Variants in RPF2 observed in about 807,000 individuals in gnomAD.
The protein encoded by RPF2 is ribosome production factor 2 homolog, also known as brix domain containing 1.
Under a neutral mutation model 38.9 loss-of-function variants are expected in RPF2, and 21 were observed. That is an observed-to-expected ratio of 0.54 (90% CI 0.38 to 0.78). The LOEUF (loss-of-function observed/expected upper bound fraction) is 0.78. Ranked by LOEUF, RPF2 falls within the 30% of genes least tolerant of loss-of-function variation. RPF2 has a pLI of 0.00. For synonymous variants in RPF2, 121 were observed against 126.2 expected (o/e 0.96, Z 0.28); for missense variants, 314 against 358.1 (o/e 0.88, Z 0.99).
At chr6:110,995,594 G>A (rs767683476) in intron 4 of RPF2, among the ~76,000 whole-genome samples, 10 of 152,068 alleles carry the variant, frequency 6.6e-5, no homozygotes, top group African/African-American at 1.2e-4. Flanking sequence ...TAAGTTAAGA[G>A]GCTTTCCAAT....
chr6:111,000,205 A>G (rs1771790133), intron 6 of RPF2, among the ~76,000 whole-genome samples: 1 of 152,170 alleles, frequency 6.6e-6, no homozygotes, highest in South Asian at 2.1e-4. Context: ...TCCTGGGCTC[A>G]AGCAATTCTC....
At chr6:111,012,084 T>C (rs1772025824) in intron 7 of RPF2, among the ~76,000 whole-genome samples, 2 of 151,590 alleles carry the variant, frequency 1.3e-5, no homozygotes, top group East Asian at 3.9e-4. Context: ...TTTTTTTTTT[T>C]CTTAATTGAC....
At chr6:111,012,642 G>A (rs1027182183) in intron 7 of RPF2, among the ~76,000 whole-genome samples, 1 of 152,018 alleles carries the variant, frequency 6.6e-6, no homozygotes, top group South Asian at 2.1e-4. Flanking sequence ...TTTGAACTTA[G>A]GTCTCTCCAA....
intron 2 of RPF2, among the ~76,000 whole-genome samples, chr6:110,986,660 A>G (rs1771530801): frequency 6.6e-6 from 1 of 152,204 alleles, no homozygotes; most frequent in Non-Finnish European, 1.5e-5. Context: ...TATGAAAGAA[A>G]GGCATAGTAT....
At chr6:111,014,045 T>G (rs985432139) in intron 7 of RPF2, among the ~76,000 whole-genome samples, 6 of 151,944 alleles carry the variant, frequency 3.9e-5, no homozygotes, top group Non-Finnish European at 7.4e-5. Flanking sequence ...TTTTTTTTTT[T>G]TCTTGTTTGG....
intron 2 of RPF2, among the ~76,000 whole-genome samples, chr6:110,986,750 G>A (rs1321022002): frequency 2.0e-5 from 3 of 151,966 alleles, no homozygotes; most frequent in South Asian, 2.1e-4. Context: ...TCAGGAGTTC[G>A]AGACCAGCCT....
At chr6:110,985,327 C>G (rs1294974538) in intron 2 of RPF2, among the ~76,000 whole-genome samples, 189 bp downstream of exon 2, 1 of 152,118 alleles carries the variant, frequency 6.6e-6, no homozygotes, top group African/African-American at 2.4e-5. Flanking sequence ...AACTAGTTCT[C>G]TTAGTAAATT....
At chr6:110,993,102 C>T (rs1284043543) in intron 4 of RPF2, among the ~76,000 whole-genome samples, 2 of 152,020 alleles carry the variant, frequency 1.3e-5, no homozygotes. Context: ...TGCAGGTGCA[C>T]GACACGATGC....
At chr6:110,989,341 C>T (rs1242250816) in intron 3 of RPF2, among the ~76,000 whole-genome samples, 2 of 152,140 alleles carry the variant, frequency 1.3e-5, no homozygotes, top group Non-Finnish European at 2.9e-5. Context: ...CTTCACCTGG[C>T]TTCCCCTAAT....
chr6:110,982,066 C>G lies in RPF2; in HGVS notation c.-41C>G. On this transcript the variant is annotated 5_prime_UTR_variant, in exon 1 of 10. Coordinates refer to ENST00000441448, the MANE Select transcript of RPF2 (RefSeq NM_032194.3). ...CCGGCGCACGTAATCGCCGAGGGCA[C>G]GTGCATGCCCCCTGGTTAAGAGTTG... 6.2e-7 allele frequency: 1 copy of G among 1,611,714 alleles called. No homozygotes were observed. Among genetic ancestry groups the G allele is most frequent in the Non-Finnish European group, 8.5e-7 (1 of 1,177,832 alleles).
At chr6:111,014,224 C>T (rs1347144405) in intron 7 of RPF2, among the ~76,000 whole-genome samples, 4 of 151,544 alleles carry the variant, frequency 2.6e-5, no homozygotes. Flanking sequence ...GCAATCTCCG[C>T]CTCCCAGGTT....
chr6:110,991,283 T>G (rs2114298673), intron 3 of RPF2, among the ~76,000 whole-genome samples: 1 of 152,232 alleles, frequency 6.6e-6, no homozygotes, highest in East Asian at 1.9e-4. Flanking sequence ...TTGTTCCTTT[T>G]TCTTTTTATT....
At chr6:111,017,836 T>C (rs12173839) in intron 8 of RPF2, among the ~76,000 whole-genome samples, 22,104 of 148,096 alleles carry the variant, frequency 0.15, 1,938 homozygotes, top group East Asian at 0.48. Flanking sequence ...GCTGCAATCT[T>C]GGCACTTTGG....
At chr6:110,994,845 C>T (rs1327616588) in intron 4 of RPF2, among the ~76,000 whole-genome samples, 1 of 150,996 alleles carries the variant, frequency 6.6e-6, no homozygotes, top group African/African-American at 2.4e-5. Flanking sequence ...GTTAGTCATA[C>T]CATGAAAATG....
At chr6:111,002,155 C>T (rs1183792649) in intron 6 of RPF2, among the ~76,000 whole-genome samples, 1 of 152,158 alleles carries the variant, frequency 6.6e-6, no homozygotes, top group Non-Finnish European at 1.5e-5. Flanking sequence ...TGGTGCACGC[C>T]TGTAATCCCA....
At chr6:110,996,452 G>A (rs897566729) in intron 4 of RPF2, among the ~76,000 whole-genome samples, 1 of 152,206 alleles carries the variant, frequency 6.6e-6, no homozygotes, top group Admixed American at 6.6e-5. Context: ...GCCTCCCACA[G>A]TGCTGGGATT....
chr6:111,012,519 T>G (rs1043552372), intron 7 of RPF2, among the ~76,000 whole-genome samples: 50 of 152,220 alleles, frequency 3.3e-4, no homozygotes, highest in African/African-American at 1.1e-3. Context: ...TAAAAAAATT[T>G]GGAGTAGAGG....
At position 110,984,935 on chromosome 6, in the gene RPF2, ATTAG is replaced by A. The variant is rs951757921; in HGVS notation, c.24-67_24-64del. The A allele has an allele frequency of 5.7e-6, 8 of 1,411,320 alleles. No individual in the cohort carries two copies. In the African/African-American group the frequency reaches 8.7e-5, roughly 15 times the overall value. The allele number at this position is 1,411,320 out of a possible 1,614,324, so 87.4% of individuals were successfully genotyped here. A position where few individuals can be genotyped will look rare whatever the true frequency, so the allele number is the denominator to read the frequency against. The stretch of plus-strand genomic sequence containing the variant: ...CAAATATGTTTTTAAGAATTTTCAT[ATTAG>A]TTAAGTCATGGCTTTGCAATGTGAG... On this transcript the variant is annotated intron_variant, in intron 1 of 9. Transcript: ENST00000441448.
intron 8 of RPF2, among the ~76,000 whole-genome samples, chr6:111,022,341 T>C (rs1772248459): frequency 1.3e-5 from 2 of 152,214 alleles, no homozygotes; most frequent in Non-Finnish European, 2.9e-5. Context: ...TAAAAATATG[T>C]AGAAATTACC....
Sources: gnomAD v4.1 joint callset for allele counts (sites outside exome capture counted in the v4.1 genomes callset) on GRCh38, gnomAD v4.1.1 for gene constraint, MANE v1.5 for transcripts, NCBI Gene and HGNC (gene_info 2026-07-23, HGNC 2026-07-21) for gene names.